CRACD: variants seen among roughly 807,000 people sequenced by gnomAD.
CRACD encodes the protein capping protein-inhibiting regulator of actin dynamics.
Under a neutral mutation model 106.8 loss-of-function variants are expected in CRACD, and 56 were observed. The observed-to-expected ratio is 0.52, with a 90% CI of 0.42 to 0.66. The LOEUF (loss-of-function observed/expected upper bound fraction) is 0.66. Among genes scored for constraint, CRACD ranks in the 30% least tolerant of loss-of-function variants. The pLI is 0.00. For synonymous variants in CRACD, 754 were observed against 670.8 expected (o/e 1.12, Z -1.92); for missense variants, 1,730 against 1,623.2 (o/e 1.07, Z -1.13).
intron 1 of CRACD, among the ~76,000 whole-genome samples, chr4:56,177,915 G>A (rs368840854): frequency 1.5e-3 from 234 of 151,924 alleles, no homozygotes; most frequent in African/African-American, 5.2e-3. Flanking sequence ...TCTTAGCTTA[G>A]GTAAAGATTT....
At chr4:56,306,573 T>G (rs1388493065) in intron 4 of CRACD, among the ~76,000 whole-genome samples, 2 of 152,116 alleles carry the variant, frequency 1.3e-5, no homozygotes, top group Non-Finnish European at 2.9e-5. Flanking sequence ...AAATATATTC[T>G]TTGAGGAATA....
intron 2 of CRACD, among the ~76,000 whole-genome samples, chr4:56,198,029 A>C (rs978094671): frequency 6.6e-6 from 1 of 151,902 alleles, no homozygotes; most frequent in Non-Finnish European, 1.5e-5. Context: ...TGATTCTGTG[A>C]CTTCTTCGAC....
chr4:56,138,070 A>C (rs1577686646), intron 1 of CRACD, among the ~76,000 whole-genome samples: 3 of 151,120 alleles, frequency 2.0e-5, no homozygotes, highest in South Asian at 2.1e-4. Context: ...ACATTGACCA[A>C]CCCCCCCACC....
rs142762312 is a variant in CRACD at position 56,138,698 on chromosome 4, G to A, written c.-335-40586G>A. On this transcript the variant is annotated intron_variant, in intron 1 of 10. Transcript: ENST00000682029. ...TGGAACTCCTGTTTGTAAAAGGACA[G>A]GTTATCATCCCGCATCAGGAGAGGA... 7.1e-3 allele frequency among the ~76,000 whole-genome samples: 1,078 copies of A among 152,236 alleles called. 6 individuals carry two copies. Among genetic ancestry groups the A allele is most frequent in the Non-Finnish European group, 0.012 (838 of 68,018 alleles).
At chr4:56,201,183 G>T (rs1464261507) in intron 2 of CRACD, among the ~76,000 whole-genome samples, 1 of 152,274 alleles carries the variant, frequency 6.6e-6, no homozygotes, top group Non-Finnish European at 1.5e-5. Flanking sequence ...GTGTGCTGAG[G>T]TGTGCTGTGA....
At chr4:56,064,727 A>ACATTGTT (rs1445622545) in intron 1 of CRACD, among the ~76,000 whole-genome samples, 2 of 152,094 alleles carry the variant, frequency 1.3e-5, no homozygotes, top group Non-Finnish European at 2.9e-5. Flanking sequence ...ACTCCCTCAC[A>ACATTGTT]CATTGTTCAC....
chr4:56,156,458 T>C (rs1160082439), intron 1 of CRACD, among the ~76,000 whole-genome samples: 1 of 152,240 alleles, frequency 6.6e-6, no homozygotes, highest in East Asian at 1.9e-4. Flanking sequence ...CTCAGTTTTC[T>C]TCTCTGAATA....
chr4:56,234,783 C>A (rs188316219), intron 2 of CRACD, among the ~76,000 whole-genome samples: 2 of 152,202 alleles, frequency 1.3e-5, no homozygotes, highest in Admixed American at 1.3e-4. Flanking sequence ...TGATTAATTC[C>A]TTTTCATATG....
intron 3 of CRACD, among the ~76,000 whole-genome samples, chr4:56,274,418 T>C (rs1742554181): frequency 6.6e-6 from 1 of 151,980 alleles, no homozygotes; most frequent in African/African-American, 2.4e-5. Flanking sequence ...ATAGTAGGTA[T>C]AGCATAGTTT....
intron 2 of CRACD, among the ~76,000 whole-genome samples, chr4:56,237,721 T>TAC (rs36207795): frequency 0.04 from 5,768 of 144,322 alleles, 133 homozygotes; most frequent in African/African-American, 0.06. Context: ...AGATATTACA[T>TAC]ACACACACAC....
intron 2 of CRACD, among the ~76,000 whole-genome samples, chr4:56,257,083 T>C (rs1162992193): frequency 1.4e-5 from 2 of 145,040 alleles, no homozygotes; most frequent in Non-Finnish European, 3.0e-5. Context: ...GATGTTCTTT[T>C]TTTTTTTTTT....
chr4:56,243,338 G>T (rs1468502424), intron 2 of CRACD, among the ~76,000 whole-genome samples: 3 of 152,138 alleles, frequency 2.0e-5, no homozygotes, highest in African/African-American at 7.2e-5. Flanking sequence ...AAGGCCTTAG[G>T]GGATGGTGGA....
intron 1 of CRACD, among the ~76,000 whole-genome samples, chr4:56,099,355 C>T (rs1043172133): frequency 6.6e-6 from 1 of 152,090 alleles, no homozygotes; most frequent in African/African-American, 2.4e-5. Context: ...TAATAGATAC[C>T]TGTTCTTTTG....
At chr4:56,228,549 C>T (rs886793565) in intron 2 of CRACD, among the ~76,000 whole-genome samples, 4 of 147,906 alleles carry the variant, frequency 2.7e-5, no homozygotes, top group Admixed American at 6.9e-5. Context: ...GTGGGAGGAT[C>T]GCTGGAGCCC....
intron 2 of CRACD, among the ~76,000 whole-genome samples, chr4:56,183,715 C>G (rs1736956381): frequency 1.3e-5 from 2 of 152,180 alleles, no homozygotes; most frequent in East Asian, 3.8e-4. Flanking sequence ...CGAACTAGAG[C>G]ATGAGGCAAG....
At chr4:56,308,854 ATG>A (rs1744936243) in intron 5 of CRACD, 2 of 1,288,656 alleles carry the variant, frequency 1.6e-6, no homozygotes, top group Non-Finnish European at 1.0e-6. Context: ...TCTGAAGCAA[ATG>A]TCCTCACAGT....
At chr4:56,218,294 T>G (rs1738824562) in intron 2 of CRACD, among the ~76,000 whole-genome samples, 1 of 152,066 alleles carries the variant, frequency 6.6e-6, no homozygotes, top group Non-Finnish European at 1.5e-5. Context: ...TTTTTTCAAG[T>G]AGAGACAGGG....
intron 8 of CRACD, 46 bp downstream of exon 8, chr4:56,316,735 A>ATAC: frequency 6.4e-7 from 1 of 1,560,436 alleles, no homozygotes. Context: ...GAGGTGTCAG[A>ATAC]GCCAGGGCAT....
intron 3 of CRACD, among the ~76,000 whole-genome samples, chr4:56,282,537 T>G (rs1418943329): frequency 6.6e-6 from 1 of 152,194 alleles, no homozygotes; most frequent in African/African-American, 2.4e-5. Flanking sequence ...TCAACAGGAA[T>G]GAAGTATATT....
Sources: allele counts gnomAD v4.1 joint callset (sites outside exome capture counted in the v4.1 genomes callset), GRCh38; gene constraint gnomAD v4.1.1; transcripts MANE v1.5; gene names NCBI Gene and HGNC (gene_info 2026-07-23, HGNC 2026-07-21).